The following MYO1D variants were observed in gnomAD, a reference collection of about 807,000 sequenced individuals.
MYO1D encodes the protein myosin ID.
A neutral mutation model predicts 122.0 loss-of-function variants in MYO1D; 83 were observed. The ratio of observed to expected loss-of-function variants is 0.68; its 90% CI spans 0.57 to 0.82. The LOEUF (loss-of-function observed/expected upper bound fraction) is 0.82, where lower values mean the gene tolerates loss of function less well. MYO1D is among the 40% of genes least tolerant of loss of function. The pLI is 0.00. For synonymous variants in MYO1D, 464 were observed against 446.9 expected (o/e 1.04, Z -0.48); for missense variants, 1,157 against 1,269.5 (o/e 0.91, Z 1.35).
At chr17:32,725,478 G>A (rs1249428248) in intron 14 of MYO1D, among the ~76,000 whole-genome samples, 5 of 151,430 alleles carry the variant, frequency 3.3e-5, no homozygotes, top group African/African-American at 9.7e-5. Context: ...CTGAGATCGC[G>A]CCACTGCACT....
At chr17:32,702,366 TAAGAA>T (rs2089258588) in intron 16 of MYO1D, among the ~76,000 whole-genome samples, 1 of 152,220 alleles carries the variant, frequency 6.6e-6, no homozygotes, top group South Asian at 2.1e-4. Flanking sequence ...TATTTTGAAT[TAAGAA>T]AAGATCCCTA....
chr17:32,819,256 AT>A (rs1298443695), intron 1 of MYO1D, among the ~76,000 whole-genome samples: 5 of 150,490 alleles, frequency 3.3e-5, no homozygotes, highest in African/African-American at 1.2e-4. Flanking sequence ...AAGGGAGGCT[AT>A]GCTAGCTTGG....
chr17:32,700,506 CA>C (rs1168800404), intron 16 of MYO1D, among the ~76,000 whole-genome samples: 3 of 152,210 alleles, frequency 2.0e-5, no homozygotes, highest in Non-Finnish European at 4.4e-5. Context: ...AAAAATTTCA[CA>C]GTTCATTACT....
At chr17:32,875,344 AAC>A (rs1221186316) in intron 1 of MYO1D, among the ~76,000 whole-genome samples, 13 of 152,210 alleles carry the variant, frequency 8.5e-5, no homozygotes, top group Non-Finnish European at 7.3e-5. Flanking sequence ...GAAAACTTAA[AAC>A]AGTTTTACTA....
At chr17:32,830,366 T>C (rs1406076271) in intron 1 of MYO1D, 11 of 152,188 alleles carry the variant, frequency 7.2e-5, no homozygotes, top group African/African-American at 9.6e-5. Context: ...ACAATTATCA[T>C]TGAATATAAG....
At chr17:32,651,518 T>C (rs903851758) in intron 19 of MYO1D, among the ~76,000 whole-genome samples, 2 of 152,182 alleles carry the variant, frequency 1.3e-5, no homozygotes, top group African/African-American at 4.8e-5. Flanking sequence ...GGAAAGTCTC[T>C]CAAGACAGAA....
chr17:32,692,015 G>T (rs930799247), intron 16 of MYO1D, among the ~76,000 whole-genome samples: 1 of 152,066 alleles, frequency 6.6e-6, no homozygotes, highest in Non-Finnish European at 1.5e-5. Context: ...TTCTAGTGAG[G>T]TATCTATCTC....
intron 21 of MYO1D, among the ~76,000 whole-genome samples, chr17:32,540,598 C>A (rs1910808785): frequency 6.6e-6 from 1 of 152,022 alleles, no homozygotes; most frequent in Non-Finnish European, 1.5e-5. Context: ...CACTGAGATA[C>A]CTTTTCATAT....
intron 16 of MYO1D, among the ~76,000 whole-genome samples, chr17:32,685,006 TC>T (rs1392620467): frequency 6.6e-6 from 1 of 152,190 alleles, no homozygotes; most frequent in Non-Finnish European, 1.5e-5. Context: ...GGAAAATTTC[TC>T]TTTATCATTT....
chr17:32,750,188 G>T (rs2089883651), intron 11 of MYO1D, among the ~76,000 whole-genome samples: 1 of 152,154 alleles, frequency 6.6e-6, no homozygotes, highest in Admixed American at 6.5e-5. Context: ...TTTTTATATG[G>T]CTGTGGAGGT....
rs371144380 is a variant in MYO1D at position 32,638,696 on chromosome 17, T to A, written c.2709+26A>T. 4 of 1,508,620 alleles carry A rather than the reference T, an allele frequency of 2.7e-6. No individual in the cohort carries two copies. In the African/African-American group the frequency reaches 4.1e-5, roughly 16 times the overall value. 93.5% of individuals were successfully genotyped at this position (1,508,620 alleles called of 1,614,324 possible). A position where few individuals can be genotyped will look rare whatever the true frequency, so the allele number is the denominator to read the frequency against. On this transcript the variant is annotated intron_variant, in intron 20 of 21. Transcript: ENST00000318217. ...ATGAGCACCAGGTTAAGAATCTTTA[T>A]CCAGAGAGAAGCACAGAGGACTTAC...
chr17:32,508,555 T>G (rs1272218530), intron 21 of MYO1D, among the ~76,000 whole-genome samples: 3 of 152,172 alleles, frequency 2.0e-5, no homozygotes, highest in Non-Finnish European at 4.4e-5. Context: ...GGATTACAGG[T>G]GTGAGCCACC....
chr17:32,585,716 C>T (rs186336133), intron 21 of MYO1D, among the ~76,000 whole-genome samples: 5 of 130,600 alleles, frequency 3.8e-5, no homozygotes, highest in African/African-American at 1.2e-4. Flanking sequence ...CCAGTCTGGG[C>T]AACAGAGCAA....
At chr17:32,728,017 C>T (rs1022174749) in intron 14 of MYO1D, among the ~76,000 whole-genome samples, 1 of 151,974 alleles carries the variant, frequency 6.6e-6, no homozygotes, top group South Asian at 2.1e-4. Context: ...TTGAATGAGC[C>T]TAACAAATTC....
chr17:32,548,522 C>G (rs1436277624), intron 21 of MYO1D, among the ~76,000 whole-genome samples: 3 of 151,586 alleles, frequency 2.0e-5, no homozygotes, highest in Admixed American at 1.3e-4. Context: ...GGAGTTAGAG[C>G]TAGGTTAAGA....
chr17:32,860,427 A>G (rs1567675577), intron 1 of MYO1D, among the ~76,000 whole-genome samples: 1 of 152,176 alleles, frequency 6.6e-6, no homozygotes, highest in Non-Finnish European at 1.5e-5. Context: ...AAGTCCCTGT[A>G]TTTCCTCTGA....
chr17:32,725,984 T>G (rs527703922), intron 14 of MYO1D, among the ~76,000 whole-genome samples: 1 of 152,248 alleles, frequency 6.6e-6, no homozygotes, highest in Non-Finnish European at 1.5e-5. Flanking sequence ...CGTAGAATTT[T>G]ACACTGAGCA....
chr17:32,780,369 A>C (rs777980332), intron 2 of MYO1D, among the ~76,000 whole-genome samples: 1 of 152,230 alleles, frequency 6.6e-6, no homozygotes, highest in African/African-American at 2.4e-5. Flanking sequence ...CAAGTGTAAT[A>C]TGTATTCATA....
In MYO1D at chr17:32,876,932, C is replaced by T; in HGVS notation, c.-60G>A. 1 of 1,128,112 alleles carries T rather than the reference C, an allele frequency of 8.9e-7. No homozygotes were observed. The highest frequency in any genetic ancestry group is 1.2e-6 in the Non-Finnish European group (1 of 844,460). The allele number at this position is 1,128,112 out of a possible 1,614,324, so 69.9% of individuals were successfully genotyped here. A position where few individuals can be genotyped will look rare whatever the true frequency, so the allele number is the denominator to read the frequency against. On this transcript the variant is annotated 5_prime_UTR_variant, in exon 1 of 22. Transcript: ENST00000318217. ...GGCCTCCGGGGCCGCTCCGTGGGCC[C>T]GCGATGAGCTCGGGAGGGGCCGGGG...
Sources: gnomAD v4.1 joint callset for allele counts (sites outside exome capture counted in the v4.1 genomes callset) on GRCh38, gnomAD v4.1.1 for gene constraint, MANE v1.5 for transcripts, NCBI Gene and HGNC (gene_info 2026-07-23, HGNC 2026-07-21) for gene names.